The following ADGRL1 variants were observed in gnomAD, a reference collection of about 807,000 sequenced individuals.
The protein encoded by ADGRL1 is CIRL-1.
A neutral mutation model predicts 148.9 loss-of-function variants in ADGRL1; 31 were observed. That is an observed-to-expected ratio of 0.21 (90% CI 0.16 to 0.28). The LOEUF (loss-of-function observed/expected upper bound fraction) is 0.28. Among genes scored for constraint, ADGRL1 ranks in the 10% least tolerant of loss-of-function variants. ADGRL1 has a pLI of 1.00. For missense variants in ADGRL1, 1,521 were observed against 2,058.8 expected (o/e 0.74, Z 5.05); for synonymous variants, 937 against 900.3 (o/e 1.04, Z -0.73).
rs1422393343 is a variant in ADGRL1 at position 14,161,108 on chromosome 19, G to T, written c.1510+204C>A. Among the ~76,000 whole-genome samples the T allele has an allele frequency of 6.6e-6, 1 of 152,132 alleles. No homozygotes were observed. The highest frequency in any genetic ancestry group is 2.4e-5 in the African/African-American group (1 of 41,422). ...GAGGCCGGGAGCCAGGTCACCTCCT[G>T]CGGACTCCCTGCAGGTTCTGCAGGT... is the stretch of plus-strand genomic sequence containing the variant. On this transcript the variant is annotated intron_variant, in intron 6 of 22. Coordinates refer to ENST00000361434, the MANE Select transcript of ADGRL1 (RefSeq NM_014921.5). This position sits in a 1 kb window ranked among gnomAD's most constrained non-coding sequence, Gnocchi z 4.4.
chr19:14,155,690 A>C lies in ADGRL1; in HGVS notation c.3126-163T>G. 1 of 645,802 alleles carries C rather than the reference A, an allele frequency of 1.5e-6. No homozygotes were observed. 40.0% of individuals were successfully genotyped at this position (645,802 alleles called of 1,614,324 possible). On this transcript the variant is annotated intron_variant, in intron 17 of 22. Coordinates refer to ENST00000361434, the MANE Select transcript of ADGRL1 (RefSeq NM_014921.5). This position sits in a 1 kb window ranked among gnomAD's most constrained non-coding sequence, Gnocchi z 5.0. Reference sequence around the variant, plus strand: ...CCTTGGGGGCAGTGGCCTGCCCAGGACACCTCCACCGGAGCCTGGGCCTGA... The same window carrying C: ...CCTTGGGGGCAGTGGCCTGCCCAGGCCACCTCCACCGGAGCCTGGGCCTGA...
chr19:14,201,890 C>T (rs1599529826), intron 1 of ADGRL1, among the ~76,000 whole-genome samples: 2 of 152,150 alleles, frequency 1.3e-5, no homozygotes, highest in African/African-American at 2.4e-5. Context: ...AAAAGCCGTC[C>T]GCTGTACTGA....
At chr19:14,158,672 C>T (rs1004651754) in intron 11 of ADGRL1, 120 bp from the exon 12 acceptor site, 30 of 765,302 alleles carry the variant, frequency 3.9e-5, no homozygotes, top group African/African-American at 1.1e-4. Context: ...CCACTGGGAC[C>T]TCTGAAGCCA....
At chr19:14,156,751 A>T (rs1236248416) in intron 15 of ADGRL1, 27 bp from the exon 16 acceptor site, 1 of 1,597,250 alleles carries the variant, frequency 6.3e-7, no homozygotes, top group Non-Finnish European at 8.5e-7. Flanking sequence ...GCCGGGGTAT[A>T]GAGAGAAGCC....
At chr19:14,167,934 G>A (rs948040004) in intron 4 of ADGRL1, among the ~76,000 whole-genome samples, 30 of 152,074 alleles carry the variant, frequency 2.0e-4, no homozygotes, top group African/African-American at 6.8e-4. Context: ...GCGGACGGGC[G>A]GCACCTAGGG....
chr19:14,183,502 G>A (rs1468870198), intron 2 of ADGRL1, 31 bp downstream of exon 2: 19 of 1,548,932 alleles, frequency 1.2e-5, no homozygotes, highest in East Asian at 9.7e-5. Flanking sequence ...TTTGGGAGCC[G>A]CGGCCCCTCC....
chr19:14,193,032 G>A (rs1338780566), intron 1 of ADGRL1, among the ~76,000 whole-genome samples: 2 of 152,158 alleles, frequency 1.3e-5, no homozygotes, highest in African/African-American at 2.4e-5. Flanking sequence ...TCTGCCCTGT[G>A]ACCTGGGGGA....
At chr19:14,183,392 G>A in intron 2 of ADGRL1, 141 bp downstream of exon 2, 1 of 743,540 alleles carries the variant, frequency 1.3e-6, no homozygotes, top group Non-Finnish European at 2.2e-6. Flanking sequence ...GTCTTCCACT[G>A]GCCTGCTCCA....
intron 1 of ADGRL1, among the ~76,000 whole-genome samples, chr19:14,204,963 C>T (rs141065382): frequency 0.13 from 19,166 of 151,886 alleles, 1,292 homozygotes; most frequent in Non-Finnish European, 0.15. Flanking sequence ...GGGGTTGGAA[C>T]AGGAAGAAAG....
chr19:14,186,336 C>T (rs564647060), intron 1 of ADGRL1, among the ~76,000 whole-genome samples: 7 of 152,294 alleles, frequency 4.6e-5, no homozygotes, highest in East Asian at 3.9e-4. Flanking sequence ...GGGATTACTG[C>T]GTGAGGCCAT....
Position 14,155,213 on chromosome 19 carries a change from A to G in ADGRL1, c.3294+146T>C, listed in dbSNP as rs1354611967. The G allele has an allele frequency of 1.1e-6, 1 of 911,932 alleles. No homozygotes were observed. The highest frequency in any genetic ancestry group is 1.7e-5 in the African/African-American group (1 of 59,726). 56.5% of individuals were successfully genotyped at this position (911,932 alleles called of 1,614,324 possible). A position where few individuals can be genotyped will look rare whatever the true frequency, so the allele number is the denominator to read the frequency against. ...TGAGCTCGTGCTCCCCTCCCGGTGG[A>G]CGCAGACCTGACCACAGAAGCCCTG... On this transcript the variant is annotated intron_variant, in intron 18 of 22. Coordinates refer to ENST00000361434, the MANE Select transcript of ADGRL1 (RefSeq NM_014921.5). This position sits in a 1 kb window ranked among gnomAD's most constrained non-coding sequence, Gnocchi z 5.0.
intron 18 of ADGRL1, among the ~76,000 whole-genome samples, chr19:14,153,752 A>C (rs1968452511): frequency 6.7e-6 from 1 of 148,284 alleles, no homozygotes; most frequent in Non-Finnish European, 1.5e-5. Flanking sequence ...GGAGTTCGAG[A>C]CCAGCCTGGG....
rs1967844686 is a variant in ADGRL1 at position 14,148,727 on chromosome 19, A to G, written c.*2146T>C. On this transcript the variant is annotated 3_prime_UTR_variant, in exon 23 of 23. Transcript: ENST00000361434. The stretch of plus-strand genomic sequence containing the variant: ...TTAGGCCTTTCTACCAGAAAAAGCC[A>G]GAGTTGGAACCCAACCCCACCTCTT... The G allele has an allele frequency of 6.5e-6, 1 of 152,734 alleles. No homozygotes were observed. The highest frequency in any genetic ancestry group is 2.4e-5 in the African/African-American group (1 of 41,450). 9.5% of individuals were successfully genotyped at this position (152,734 alleles called of 1,614,324 possible).
Position 14,159,388 on chromosome 19 carries a change from CTG to C in ADGRL1, c.2023+11_2023+12del. The C allele has an allele frequency of 6.2e-7, 1 of 1,601,060 alleles. No individual in the cohort carries two copies. The highest frequency in any genetic ancestry group is 1.1e-5 in the South Asian group (1 of 89,568). Reference sequence around the variant, plus strand: ...TCGTATCTGAGTTTGCCCTGGGTGACTGTGGCACTCACCCACGTTCTCCTTGG... The same window carrying C: ...TCGTATCTGAGTTTGCCCTGGGTGACTGGCACTCACCCACGTTCTCCTTGG... On this transcript the variant is annotated intron_variant, in intron 10 of 22. Coordinates refer to ENST00000361434, the MANE Select transcript of ADGRL1 (RefSeq NM_014921.5). The surrounding 1 kb of genome is among the most constrained non-coding windows in gnomAD (Gnocchi z 6.0).
chr19:14,188,810 G>A (rs549725577), intron 1 of ADGRL1, among the ~76,000 whole-genome samples: 43 of 152,218 alleles, frequency 2.8e-4, no homozygotes, highest in Non-Finnish European at 5.1e-4. Flanking sequence ...GTCTCACTTT[G>A]TCACCGGGGC....
In ADGRL1 at chr19:14,158,551, C is replaced by T; in HGVS notation, c.2151G>A (p.Gly717=). ...AGAGGATGAAGACAACTTTGACCAC[C>T]CCTGGTGAGAACAGGCACGTTTGGA... The part of the protein sequence containing the change: ...AKTIKQNSRN[G]VVKVVFILYN... Residue 717 remains glycine (G), a splice_region_variant and synonymous_variant, in exon 12 of 23, where the codon GGG becomes GGA. Coordinates refer to ENST00000361434, the MANE Select transcript of ADGRL1 (RefSeq NM_014921.5). 1 of 1,613,340 alleles carries T rather than the reference C, an allele frequency of 6.2e-7. No homozygotes were observed. The highest frequency in any genetic ancestry group is 2.2e-5 in the East Asian group (1 of 44,882).
intron 3 of ADGRL1, 168 bp from the exon 4 acceptor site, chr19:14,170,959 A>C: frequency 8.8e-6 from 5 of 569,116 alleles, no homozygotes; most frequent in East Asian, 5.9e-5. Context: ...CCCAAATCTC[A>C]TGTTGAATTG....
rs764585021 is a variant in ADGRL1, at chr19:14,151,037, C to T, written c.4246G>A (p.Glu1416Lys). The T allele has an allele frequency of 6.5e-5, 43 of 662,752 alleles. No homozygotes were observed. Among genetic ancestry groups the T allele is most frequent in the Middle Eastern group, 6.9e-4 (1 of 1,448 alleles). 41.1% of individuals were successfully genotyped at this position (662,752 alleles called of 1,614,324 possible). A position where few individuals can be genotyped will look rare whatever the true frequency, so the allele number is the denominator to read the frequency against. ...GGCGGGCGCGAGGTGTAGTAGATTT[C>T]GGGGGGGCCGGGGGGTGCGGGAGGG... Reference protein sequence around the residue: ...PPPPAPPGPPEIYYTSRPPAL... With the variant: ...PPPPAPPGPPKIYYTSRPPAL... Residue 1416 changes from glutamate to lysine, a missense_variant, in exon 23 of 23, where the codon GAA (glutamate) becomes AAA (lysine). Physicochemically the swap from Glu to Lys is moderately conservative, Grantham distance 56. Coordinates refer to ENST00000361434, the MANE Select transcript of ADGRL1 (RefSeq NM_014921.5).
intron 1 of ADGRL1, among the ~76,000 whole-genome samples, chr19:14,201,675 C>G (rs1487419574): frequency 6.6e-6 from 1 of 152,098 alleles, no homozygotes; most frequent in African/African-American, 2.4e-5. Flanking sequence ...CTCGGCTTCC[C>G]AACATTCTGG....
Sources: gnomAD v4.1 joint callset for allele counts (sites outside exome capture counted in the v4.1 genomes callset) on GRCh38, gnomAD v4.1.1 for gene constraint, Gnocchi (gnomAD v3.1) non-coding constraint, MANE v1.5 for transcripts, NCBI Gene and HGNC (gene_info 2026-07-23, HGNC 2026-07-21) for gene names.